The following SSX1 variants were observed in gnomAD, a reference collection of about 807,000 sequenced individuals.
SSX1 encodes SSX family member 1.
In SSX1, 58 loss-of-function variants were observed where a neutral mutation model predicts 14.6. The observed-to-expected ratio is 3.96, with a 90% confidence interval of 3.21 to 4.93. SSX1 has a LOEUF of 4.93. Among genes scored for constraint, SSX1 ranks in the 30% most tolerant of loss-of-function variants. The probability of loss-of-function intolerance (pLI) is 0.00; values close to 1 mark genes in which losing one functional copy is unlikely to be tolerated. For missense variants in SSX1, 272 were observed against 143.1 expected (o/e 1.90, Z -4.60); for synonymous variants, 46 against 52.1 (o/e 0.88, Z 0.50).
chrX:48,263,868 G>C lies in SSX1; in HGVS notation c.417G>C (p.Leu139=). ...ASGPQNDGKQ[L]HPPGKANISE... The stretch of plus-strand genomic sequence containing the variant: ...GCCCACAAAACGATGGGAAACAACT[G>C]CACCCCCCAGGAAAAGCAAATATTT... Residue 139 remains leucine, a synonymous_variant, in exon 6 of 8, where the codon CTG becomes CTC. Coordinates refer to ENST00000376919, the MANE Select transcript of SSX1 (RefSeq NM_005635.4). 2 of 1,211,321 alleles carry C rather than the reference G, an allele frequency of 1.7e-6. No homozygotes were observed. Among genetic ancestry groups the C allele is most frequent in the Non-Finnish European group, 2.2e-6 (2 of 895,291 alleles).
At chrX:48,265,109 T>C (rs187997250) in intron 6 of SSX1, among the ~76,000 whole-genome samples, 1 of 112,645 alleles carries the variant, frequency 8.9e-6, no homozygotes, top group African/African-American at 3.2e-5. Flanking sequence ...TCTATCCTGA[T>C]CACTCAAACT....
Position 48,258,624 on chromosome X carries a change from GAT to G in SSX1, c.274_275del (p.Ile92SerfsTer3). 1.7e-6 allele frequency: 2 copies of G among 1,199,402 alleles called. No individual in the cohort carries two copies. The highest frequency in any genetic ancestry group is 2.3e-6 in the Non-Finnish European group (2 of 885,429). Reference protein sequence around the residue: ...NDFDNDHNRRIQVEHPQMTFG... With the variant: ...NDFDNDHNRRXQVEHPQMTFG... ...ATTTTGATAATGACCATAACCGCAG[GAT>G]TCAGGGTGAGTAGATGGGAAGTGGC... is the stretch of plus-strand genomic sequence containing the variant. On this transcript the variant is annotated frameshift_variant, in exon 4 of 8. Coordinates refer to ENST00000376919, the MANE Select transcript of SSX1 (RefSeq NM_005635.4). LOFTEE classifies it high-confidence loss of function.
At chrX:48,255,633 T>G (rs2059577803) in intron 1 of SSX1, among the ~76,000 whole-genome samples, 1 of 94,218 alleles carries the variant, frequency 1.1e-5, no homozygotes, top group Non-Finnish European at 2.1e-5. Context: ...CCACCCCTGT[T>G]TTTTTTTTTT....
At chrX:48,259,394 A>G (rs1556935123) in intron 4 of SSX1, among the ~76,000 whole-genome samples, 3 of 111,927 alleles carry the variant, frequency 2.7e-5, no homozygotes, top group Non-Finnish European at 5.6e-5. Context: ...TATTCCCCAT[A>G]CTATTCTGTG....
Position 48,258,564 on chromosome X carries a change from G to A in SSX1, c.213G>A (p.Met71Ile), listed in dbSNP as rs782596185. Reference sequence around the variant, plus strand: ...TCAAAGTCACCCTCCCACCTTTCATGTGTAATAAACAGGCCACAGACTTCC... The same window carrying A: ...TCAAAGTCACCCTCCCACCTTTCATATGTAATAAACAGGCCACAGACTTCC... ...LGFKVTLPPF[M>I]CNKQATDFQG... The change falls in exon 4 of 8, where the codon ATG becomes ATA. Residue 71 changes from methionine to isoleucine, a missense_variant. By Grantham distance (10) the Met-to-Ile change is conservative. Coordinates refer to ENST00000376919, the MANE Select transcript of SSX1 (RefSeq NM_005635.4). 54 of 1,206,332 alleles carry A rather than the reference G, an allele frequency of 4.5e-5. No homozygotes were observed. The highest frequency in any genetic ancestry group is 6.6e-5 in the Admixed American group (3 of 45,359).
intron 4 of SSX1, among the ~76,000 whole-genome samples, chrX:48,261,397 A>G (rs187841900): frequency 2.0e-4 from 22 of 112,412 alleles, no homozygotes; most frequent in African/African-American, 6.8e-4. Flanking sequence ...TTCACATACC[A>G]TAAGATCCAC....
intron 7 of SSX1, 138 bp downstream of exon 7, chrX:48,266,529 G>A (rs1382260281): frequency 5.4e-5 from 59 of 1,085,437 alleles, no homozygotes; most frequent in Middle Eastern, 7.3e-4. Flanking sequence ...GAGGCTGAAT[G>A]ATGAGATTTC....
Position 48,263,837 on chromosome X carries a change from C to A in SSX1, c.386C>A (p.Ala129Glu), listed in dbSNP as rs1556935948. ...AATGATTCGAAGGGAGTGTCAGAAG[C>A]ATCTGGCCCACAAAACGATGGGAAA... ...DENDSKGVSEASGPQNDGKQL... is the reference protein window; with the variant it reads ...DENDSKGVSEESGPQNDGKQL... Residue 129 changes from alanine to glutamate, a missense_variant, in exon 6 of 8, where the codon GCA (alanine) becomes GAA (glutamate). Coordinates refer to ENST00000376919, the MANE Select transcript of SSX1 (RefSeq NM_005635.4). The A allele has an allele frequency of 6.6e-6, 8 of 1,209,808 alleles. No individual in the cohort carries two copies. The highest frequency in any genetic ancestry group is 8.9e-6 in the Non-Finnish European group (8 of 895,089).
intron 5 of SSX1, 64 bp downstream of exon 5, chrX:48,261,879 TA>T (rs1181532063): frequency 8.6e-7 from 1 of 1,159,139 alleles, no homozygotes; most frequent in Non-Finnish European, 1.2e-6. Flanking sequence ...TGAACACTGA[TA>T]AGACAGGGAG....
At chrX:48,256,578 G>A (rs1383803305) in intron 1 of SSX1, among the ~76,000 whole-genome samples, 1 of 103,079 alleles carries the variant, frequency 9.7e-6, no homozygotes, top group Admixed American at 1.1e-4. Flanking sequence ...TGGGATTACA[G>A]GCATGAGCCA....
Position 48,267,360 on chromosome X carries a change from A to G in SSX1, c.*511A>G, listed in dbSNP as rs2059628533. ...CATGCGTCCTGGTCAAGCCCCCCTC[A>G]CTCTGTTTCCTGTTCAGCATGTACT... On this transcript the variant is annotated 3_prime_UTR_variant, in exon 8 of 8. Transcript: ENST00000376919. The G allele has an allele frequency of 1.1e-5, 2 of 181,316 alleles. No homozygotes were observed. The highest frequency in any genetic ancestry group is 2.0e-5 in the Non-Finnish European group (2 of 98,104). The allele number at this position is 181,316 out of a possible 1,213,427, so 14.9% of individuals were successfully genotyped here. A position where few individuals can be genotyped will look rare whatever the true frequency, so the allele number is the denominator to read the frequency against.
intron 4 of SSX1, among the ~76,000 whole-genome samples, chrX:48,261,199 A>AT (rs1220309584): frequency 2.7e-5 from 3 of 112,157 alleles, no homozygotes; most frequent in Admixed American, 9.5e-5. Flanking sequence ...ACTGTCTTCA[A>AT]TATCTCTATT....
At chrX:48,262,427 G>C (rs781868613) in intron 5 of SSX1, among the ~76,000 whole-genome samples, 5 of 112,000 alleles carry the variant, frequency 4.5e-5, no homozygotes, top group African/African-American at 6.5e-5. Flanking sequence ...GGGCCTACTG[G>C]TGCTTCCATT....
chrX:48,266,222 A>G lies in SSX1; in HGVS notation c.467-65A>G, dbSNP rs782675118. On this transcript the variant is annotated intron_variant, in intron 6 of 7. Coordinates refer to ENST00000376919, the MANE Select transcript of SSX1 (RefSeq NM_005635.4). Reference sequence around the variant, plus strand: ...AGGGAGGAGGCATCTCCTTTTTTTGAGAAAACAGAGCCTAACACTCTTCAA... The same window carrying G: ...AGGGAGGAGGCATCTCCTTTTTTTGGGAAAACAGAGCCTAACACTCTTCAA... 149 of 1,199,634 alleles carry G rather than the reference A, an allele frequency of 1.2e-4. No individual in the cohort carries two copies. The African/African-American group carries it at 2.3e-3, about 18-fold the overall frequency.
chrX:48,263,638 G>A, intron 5 of SSX1, 144 bp from the exon 6 acceptor site: 1 of 829,989 alleles, frequency 1.2e-6, no homozygotes. Context: ...AATCTCCCAG[G>A]TTTGTCTCAT....
At chrX:48,259,525 T>C (rs1556935155) in intron 4 of SSX1, among the ~76,000 whole-genome samples, 1 of 111,031 alleles carries the variant, frequency 9.0e-6, no homozygotes, top group Non-Finnish European at 1.9e-5. Context: ...TGTGTATACA[T>C]GTGCCATGCT....
Position 48,256,010 on chromosome X carries a change from C to G in SSX1, c.-21+578C>G, listed in dbSNP as rs1371679400. On this transcript the variant is annotated intron_variant, in intron 1 of 7. Coordinates refer to ENST00000376919, the MANE Select transcript of SSX1 (RefSeq NM_005635.4). ...TGGCCTCAGGACTACAGATGTGTGC[C>G]ATTCCGCCCCTGCTAGTTTTGTTGT... Among the ~76,000 whole-genome samples the G allele has an allele frequency of 6.7e-5, 7 of 104,966 alleles. 1 individual carries two copies. The Admixed American group carries it at 7.2e-4, about 11-fold the overall frequency. 91.2% of individuals were successfully genotyped at this position (104,966 alleles called of 115,157 possible).
rs781784025 is a variant in SSX1 at position 48,259,380 on chromosome X, A to G, written c.280+749A>G. Among the ~76,000 whole-genome samples the G allele has an allele frequency of 5.3e-5, 6 of 112,161 alleles. No homozygotes were observed. In the East Asian group the frequency reaches 1.4e-3, roughly 26 times the overall value. The stretch of plus-strand genomic sequence containing the variant: ...TAATGTTGAGATGCGACTGAACTCA[A>G]TATTATTCCCCATACTATTCTGTGT... On this transcript the variant is annotated intron_variant, in intron 4 of 7. Transcript: ENST00000376919.
chrX:48,266,421 T>A (rs1158844498), intron 7 of SSX1, 30 bp downstream of exon 7: 1 of 1,207,618 alleles, frequency 8.3e-7, no homozygotes, highest in African/African-American at 1.7e-5. Context: ...ACCCTCCACA[T>A]CCCTGCAGAT....
Sources: allele counts gnomAD v4.1 joint callset (sites outside exome capture counted in the v4.1 genomes callset), GRCh38; gene constraint gnomAD v4.1.1; transcripts MANE v1.5; gene names NCBI Gene and HGNC (gene_info 2026-07-23, HGNC 2026-07-21).